The following PTPRC variants were observed in gnomAD, a reference collection of about 807,000 sequenced individuals.
PTPRC encodes receptor-type tyrosine-protein phosphatase C.
A neutral mutation model predicts 155.9 loss-of-function variants in PTPRC; 44 were observed. The ratio of observed to expected loss-of-function variants is 0.28; its 90% CI spans 0.22 to 0.36. The LOEUF (loss-of-function observed/expected upper bound fraction) is 0.36, where lower values mean the gene tolerates loss of function less well. PTPRC is among the 10% of genes least tolerant of loss of function. The pLI is 1.00. For missense variants in PTPRC, 1,401 were observed against 1,564.6 expected, an observed-to-expected ratio of 0.90 and a Z score of 1.76; for synonymous variants, 525 against 533.1, an observed-to-expected ratio of 0.98 and a Z score of 0.21.
In PTPRC at chr1:198,741,830, A is replaced by T. The variant is rs537241880; in HGVS notation, c.2404-39A>T. The T allele has an allele frequency of 3.8e-6, 6 of 1,591,816 alleles. No individual in the cohort carries two copies. The East Asian group carries it at 1.4e-4, about 37-fold the overall frequency. ...TTATTTATGTTTCATAGTTTGCTTT[A>T]AAAAAATCATCTCAAAGAAAATATT... On this transcript the variant is annotated intron_variant, in intron 23 of 32. Coordinates refer to ENST00000442510, the MANE Select transcript of PTPRC (RefSeq NM_002838.5).
intron 15 of PTPRC, among the ~76,000 whole-genome samples, chr1:198,726,038 A>G (rs74640052): frequency 0.091 from 13,910 of 152,266 alleles, 846 homozygotes; most frequent in Non-Finnish European, 0.13. Flanking sequence ...TGCAAGCTTT[A>G]TCTGAAGACT....
Position 198,702,546 on chromosome 1 carries a change from T to C in PTPRC, c.583+16T>C. 2 of 1,613,950 alleles carry C rather than the reference T, an allele frequency of 1.2e-6. No individual in the cohort carries two copies. The highest frequency in any genetic ancestry group is 1.7e-6 in the Non-Finnish European group (2 of 1,179,838). Reference sequence around the variant, plus strand: ...AACACCTCAGGTCTGACTATGCTGCTCTAGTAGTGTCTTCAGTTATAGATA... The same window carrying C: ...AACACCTCAGGTCTGACTATGCTGCCCTAGTAGTGTCTTCAGTTATAGATA... On this transcript the variant is annotated intron_variant, in intron 6 of 32. Coordinates refer to ENST00000442510, the MANE Select transcript of PTPRC (RefSeq NM_002838.5).
chr1:198,752,236 T>G lies in PTPRC; in HGVS notation c.3208-13T>G. 2 of 1,609,638 alleles carry G rather than the reference T, an allele frequency of 1.2e-6. No homozygotes were observed. The highest frequency in any genetic ancestry group is 1.7e-6 in the Non-Finnish European group (2 of 1,176,458). ...ATAGGAAACAAATTGTTGAATTGTC[T>G]TCTTTTATCTAGGAAATCTGTGCTC... On this transcript the variant is annotated splice_polypyrimidine_tract_variant and intron_variant, in intron 29 of 32. Coordinates refer to ENST00000442510, the MANE Select transcript of PTPRC (RefSeq NM_002838.5).
chr1:198,754,225 T>C (rs756887197), intron 31 of PTPRC, 44 bp from the exon 32 acceptor site: 1 of 1,562,242 alleles, frequency 6.4e-7, no homozygotes, highest in South Asian at 1.1e-5. Flanking sequence ...TCACCCTTTT[T>C]GGTGAGAAGT....
chr1:198,715,395 GTGTT>G (rs1187789601), intron 12 of PTPRC, among the ~76,000 whole-genome samples: 3 of 152,030 alleles, frequency 2.0e-5, no homozygotes, highest in African/African-American at 4.8e-5. Flanking sequence ...CTCCCAAAGT[GTGTT>G]TGTTTATTTT....
intron 2 of PTPRC, among the ~76,000 whole-genome samples, chr1:198,658,448 GA>G (rs763787033): frequency 9.2e-5 from 14 of 152,256 alleles, no homozygotes; most frequent in Admixed American, 3.3e-4. Flanking sequence ...TTGTGCTCAT[GA>G]AAGACACAAT....
intron 15 of PTPRC, among the ~76,000 whole-genome samples, chr1:198,726,609 C>T (rs888205071): frequency 1.3e-5 from 2 of 152,080 alleles, no homozygotes; most frequent in Admixed American, 6.6e-5. Flanking sequence ...TTTCAATATT[C>T]CTGTTTGTAT....
intron 2 of PTPRC, among the ~76,000 whole-genome samples, chr1:198,682,536 T>A (rs752500997): frequency 1.3e-5 from 2 of 152,232 alleles, no homozygotes; most frequent in Non-Finnish European, 2.9e-5. Context: ...ATAACTAGAT[T>A]AAATTCACAG....
At chr1:198,694,333 G>C in intron 3 of PTPRC, 1 of 122,088 alleles carries the variant, frequency 8.2e-6, no homozygotes, top group Non-Finnish European at 1.4e-5. Context: ...GGGTGGGGGG[G>C]TTGGGGAGGG....
At chr1:198,701,821 G>A (rs1026982803) in intron 5 of PTPRC, among the ~76,000 whole-genome samples, 1 of 152,208 alleles carries the variant, frequency 6.6e-6, no homozygotes, top group Admixed American at 6.5e-5. Context: ...AGCTGGAAAG[G>A]AAGAAAAAGA....
intron 2 of PTPRC, among the ~76,000 whole-genome samples, chr1:198,685,755 T>C (rs994575842): frequency 2.0e-5 from 3 of 152,120 alleles, no homozygotes; most frequent in Admixed American, 2.0e-4. Flanking sequence ...TTTTCCACTT[T>C]TGTACAGGCT....
chr1:198,749,040 C>T (rs1335149837), intron 27 of PTPRC, among the ~76,000 whole-genome samples: 3 of 151,404 alleles, frequency 2.0e-5, no homozygotes, highest in Admixed American at 1.3e-4. Flanking sequence ...TTTAATATTA[C>T]TGGAGTATAA....
At chr1:198,656,704 TG>T (rs1663598374) in intron 2 of PTPRC, among the ~76,000 whole-genome samples, 2 of 151,204 alleles carry the variant, frequency 1.3e-5, no homozygotes, top group Non-Finnish European at 2.9e-5. Context: ...GGAAGTTTAC[TG>T]ATCTGTAGTT....
chr1:198,699,803 C>T lies in PTPRC; in HGVS notation c.439+99C>T, dbSNP rs891379777. The T allele has an allele frequency of 9.4e-6, 14 of 1,486,372 alleles. No homozygotes were observed. In the Admixed American group the frequency reaches 1.5e-4, roughly 16 times the overall value. The allele number at this position is 1,486,372 out of a possible 1,614,324, so 92.1% of individuals were successfully genotyped here. On this transcript the variant is annotated intron_variant, in intron 5 of 32. Coordinates refer to ENST00000442510, the MANE Select transcript of PTPRC (RefSeq NM_002838.5). ...GAAATCTAACCACTTATTCAATGTG[C>T]AGCTATTGCTAGTTGATGAATTTGG...
chr1:198,715,349 T>A (rs1216407230), intron 12 of PTPRC, among the ~76,000 whole-genome samples: 1 of 151,866 alleles, frequency 6.6e-6, no homozygotes, highest in Non-Finnish European at 1.5e-5. Flanking sequence ...AGTCTGGATC[T>A]CCTGATCTCG....
intron 7 of PTPRC, 90 bp downstream of exon 7, chr1:198,703,462 C>T (rs766286758): frequency 2.5e-6 from 4 of 1,596,856 alleles, no homozygotes; most frequent in Non-Finnish European, 3.4e-6. Context: ...CTACCTCGGG[C>T]TCCTTTCTTT....
intron 10 of PTPRC, among the ~76,000 whole-genome samples, chr1:198,709,127 G>A (rs376099838): frequency 1.2e-3 from 178 of 152,330 alleles, no homozygotes; most frequent in African/African-American, 2.9e-3. Flanking sequence ...ACTTTAAGTT[G>A]TATTTGCTAT....
At chr1:198,688,194 G>A (rs1280209498) in intron 2 of PTPRC, among the ~76,000 whole-genome samples, 1 of 151,976 alleles carries the variant, frequency 6.6e-6, no homozygotes. Flanking sequence ...ATCACTCAGT[G>A]GAGGAATTTA....
intron 2 of PTPRC, among the ~76,000 whole-genome samples, chr1:198,689,014 G>A (rs1353040237): frequency 6.6e-6 from 1 of 151,976 alleles, no homozygotes; most frequent in Non-Finnish European, 1.5e-5. Flanking sequence ...ATAGTGCCTG[G>A]CACCCAGTAA....
Sources: allele counts gnomAD v4.1 joint callset (sites outside exome capture counted in the v4.1 genomes callset), GRCh38; gene constraint gnomAD v4.1.1; transcripts MANE v1.5; gene names NCBI Gene and HGNC (gene_info 2026-07-23, HGNC 2026-07-21).